Variants in TUG1 observed in about 807,000 individuals in gnomAD.
The protein encoded by TUG1 is taurine upregulated gene 1.
At chr22:30,973,984 G>A (rs557683104) in intron 2 of TUG1, 7 of 152,152 alleles carry the variant, frequency 4.6e-5, no homozygotes, top group Admixed American at 2.6e-4. Context: ...TAATATCTCC[G>A]TGGTGGTAGA....
exon 3 of TUG1, chr22:30,977,105 A>G (rs143732097): frequency 1.4e-4 from 21 of 152,300 alleles, no homozygotes; most frequent in African/African-American, 5.1e-4. Context: ...AAAAGGAATG[A>G]CTTAAGATGA....
rs76363597 is a variant in TUG1 at position 30,978,960 on chromosome 22, A to G, written c.*6485A>G. On this transcript the variant is annotated 3_prime_UTR_variant, in exon 3 of 3. Coordinates refer to ENST00000644773, the Ensembl canonical transcript of TUG1. Reference sequence around the variant, plus strand: ...TAAGCTAGAGGTCATGGTCACTGAAATTACTTTCCAAAGTGGAAGACAAAA... The same window carrying G: ...TAAGCTAGAGGTCATGGTCACTGAAGTTACTTTCCAAAGTGGAAGACAAAA... 2.8e-3 allele frequency: 425 copies of G among 152,354 alleles called. 2 individuals carry two copies. Among genetic ancestry groups the G allele is most frequent in the African/African-American group, 0.01 (417 of 41,576 alleles). 9.4% of individuals were successfully genotyped at this position (152,354 alleles called of 1,614,324 possible). A position where few individuals can be genotyped will look rare whatever the true frequency, so the allele number is the denominator to read the frequency against.
At chr22:30,970,497 C>T (rs2147351672) in exon 1 of TUG1, 1 of 152,292 alleles carries the variant, frequency 6.6e-6, no homozygotes, top group East Asian at 1.9e-4. Context: ...CAATGGCACC[C>T]AGTGTAAAGC....
exon 3 of TUG1, chr22:30,975,242 A>G (rs1433467022): frequency 1.3e-5 from 2 of 152,218 alleles, no homozygotes; most frequent in Admixed American, 1.3e-4. Flanking sequence ...CTTTGAGTGA[A>G]AACTGTGCAG....
At chr22:30,975,986 A>G (rs1028391904) in exon 3 of TUG1, 3 of 151,988 alleles carry the variant, frequency 2.0e-5, no homozygotes, top group African/African-American at 7.3e-5. Flanking sequence ...GTATGACTCA[A>G]CCAGTAGCAG....
At chr22:30,974,141 C>T (rs1376873509) in intron 2 of TUG1, 1 of 152,018 alleles carries the variant, frequency 6.6e-6, no homozygotes, top group Non-Finnish European at 1.5e-5. Context: ...AGTATTTACA[C>T]AAAATGAGCC....
At chr22:30,972,007 C>G (rs1458566916) in intron 1 of TUG1, 1 of 152,188 alleles carries the variant, frequency 6.6e-6, no homozygotes, top group Non-Finnish European at 1.5e-5. Flanking sequence ...TATACAAAAT[C>G]CTGTAAAATA....
chr22:30,976,358 C>T (rs1331378068), exon 3 of TUG1: 1 of 152,064 alleles, frequency 6.6e-6, no homozygotes, highest in Non-Finnish European at 1.5e-5. Flanking sequence ...GGAGGCTGGC[C>T]CTTTGAGCAG....
At chr22:30,974,505 T>G (rs1216996568) in intron 2 of TUG1, 6 of 152,184 alleles carry the variant, frequency 3.9e-5, no homozygotes, top group African/African-American at 1.2e-4. Context: ...GCTTCCTGAT[T>G]GCCAGCAGAT....
At chr22:30,972,576 A>G (rs1291334358) in intron 1 of TUG1, 3 of 152,280 alleles carry the variant, frequency 2.0e-5, no homozygotes, top group Non-Finnish European at 2.9e-5. Flanking sequence ...AGTACCCTGA[A>G]TCCGATCAAA....
chr22:30,976,078 AAAAG>A (rs1456039924), exon 3 of TUG1: 20 of 152,076 alleles, frequency 1.3e-4, no homozygotes, highest in Non-Finnish European at 2.5e-4. Flanking sequence ...AAAAAAAAAA[AAAAG>A]GCTGAATTCT....
exon 3 of TUG1, chr22:30,976,685 G>A (rs2041291204): frequency 6.6e-6 from 1 of 152,186 alleles, no homozygotes; most frequent in South Asian, 2.1e-4. Context: ...AGATCATGTT[G>A]AACAAGGAGA....
chr22:30,973,923 T>C (rs2041257490), intron 2 of TUG1: 1 of 152,144 alleles, frequency 6.6e-6, no homozygotes, highest in Admixed American at 6.5e-5. Flanking sequence ...GATCACGTGA[T>C]AGCTACATCT....
intron 1 of TUG1, chr22:30,972,554 C>G (rs2041242825): frequency 6.6e-6 from 1 of 152,186 alleles, no homozygotes; most frequent in Admixed American, 6.5e-5. Flanking sequence ...CTCTCCTCAC[C>G]AAAAAATGCC....
exon 3 of TUG1, chr22:30,976,551 C>T (rs1001842969): frequency 6.6e-6 from 1 of 152,216 alleles, no homozygotes; most frequent in African/African-American, 2.4e-5. Flanking sequence ...TGTCATTTTA[C>T]ACTGACTCAG....
chr22:30,974,033 C>T (rs911678356), intron 2 of TUG1: 1 of 152,166 alleles, frequency 6.6e-6, no homozygotes, highest in African/African-American at 2.4e-5. Flanking sequence ...AACAGCAAAG[C>T]TACCCAATAT....
chr22:30,979,189 A>C (rs537543770), exon 3 of TUG1: 1 of 152,232 alleles, frequency 6.6e-6, no homozygotes, highest in African/African-American at 2.4e-5. Flanking sequence ...AGGTGAAACA[A>C]GTTATTAATA....
exon 3 of TUG1, chr22:30,978,143 A>T (rs2041310994): frequency 6.6e-6 from 1 of 152,194 alleles, no homozygotes; most frequent in South Asian, 2.1e-4. Context: ...TCACAGAATT[A>T]TTTGATGTAG....
chr22:30,978,808 T>C (rs977095165), exon 3 of TUG1: 1 of 152,224 alleles, frequency 6.6e-6, no homozygotes, highest in Non-Finnish European at 1.5e-5. Flanking sequence ...CCTGGACTTT[T>C]CAGTTATGTG....
Sources: gnomAD v4.1 joint callset for allele counts on GRCh38, gnomAD v4.1.1 for gene constraint, MANE v1.5 for transcripts, NCBI Gene and HGNC (gene_info 2026-07-23, HGNC 2026-07-21) for gene names.